Variants in COQ3 observed in about 807,000 individuals in gnomAD.
COQ3 encodes the protein coenzyme Q3, methyltransferase, also known as ubiquinone biosynthesis O-methyltransferase, mitochondrial.
COQ3 carries 29 observed loss-of-function variants against 33.1 expected under a neutral mutation model. The observed-to-expected ratio is 0.88, with a 90% CI of 0.65 to 1.19. COQ3 has a LOEUF of 1.19. COQ3 is among the 50% of genes most tolerant of loss of function. The pLI is 0.00. For synonymous variants in COQ3, 173 were observed against 157.8 expected, an observed-to-expected ratio of 1.10 and a Z score of -0.72; for missense variants, 437 against 430.7, an observed-to-expected ratio of 1.01 and a Z score of -0.13.
At chr6:99,393,711 C>A (rs1774890750) in intron 1 of COQ3, among the ~76,000 whole-genome samples, 1 of 152,204 alleles carries the variant, frequency 6.6e-6, no homozygotes, top group Admixed American at 6.5e-5. Context: ...AGATACAAAG[C>A]TATGCATAAC....
intron 5 of COQ3, among the ~76,000 whole-genome samples, chr6:99,375,352 G>C (rs1379392181): frequency 1.3e-5 from 2 of 150,502 alleles, no homozygotes; most frequent in Non-Finnish European, 3.0e-5. Flanking sequence ...TGCTATAAGT[G>C]TATGGTTTTC....
At chr6:99,371,254 C>T (rs1053473146) in intron 6 of COQ3, among the ~76,000 whole-genome samples, 174 bp downstream of exon 6, 4 of 152,148 alleles carry the variant, frequency 2.6e-5, no homozygotes, top group Non-Finnish European at 5.9e-5. Context: ...GAAGTGGTAT[C>T]TACTACTTAA....
intron 6 of COQ3, 65 bp downstream of exon 6, chr6:99,371,363 A>T: frequency 9.3e-7 from 1 of 1,076,064 alleles, no homozygotes; most frequent in Non-Finnish European, 1.4e-6. Flanking sequence ...AGTGCGTAAT[A>T]ATTACTGGCA....
At chr6:99,385,362 T>C (rs1042627975) in intron 1 of COQ3, among the ~76,000 whole-genome samples, 9 of 152,208 alleles carry the variant, frequency 5.9e-5, no homozygotes, top group African/African-American at 1.9e-4. Flanking sequence ...CTTTCAAGCA[T>C]GCATGGAACA....
At chr6:99,370,265 A>T (rs772533016) in intron 6 of COQ3, among the ~76,000 whole-genome samples, 4 of 152,138 alleles carry the variant, frequency 2.6e-5, no homozygotes, top group African/African-American at 4.8e-5. Context: ...AATATGTGCC[A>T]ACAGGAGATT....
chr6:99,376,499 A>C (rs1774286764), intron 4 of COQ3, among the ~76,000 whole-genome samples: 1 of 152,272 alleles, frequency 6.6e-6, no homozygotes, highest in Non-Finnish European at 1.5e-5. Context: ...TAACATATTT[A>C]AAGTGCAATA....
At chr6:99,377,274 T>C (rs1774315362) in intron 4 of COQ3, 112 bp downstream of exon 4, 3 of 881,772 alleles carry the variant, frequency 3.4e-6, no homozygotes, top group Non-Finnish European at 5.5e-6. Context: ...CCTCCCAACA[T>C]GCATTTCTTT....
chr6:99,384,976 T>G (rs1209505071), intron 1 of COQ3, among the ~76,000 whole-genome samples: 1 of 152,072 alleles, frequency 6.6e-6, no homozygotes, highest in African/African-American at 2.4e-5. Flanking sequence ...CCAGGCATGG[T>G]GGCATGTGCC....
At chr6:99,376,206 A>G (rs1774280577) in intron 4 of COQ3, 24 bp from the exon 5 acceptor site, 23 of 1,606,578 alleles carry the variant, frequency 1.4e-5, no homozygotes, top group Non-Finnish European at 2.0e-5. Context: ...AAAAACTGTT[A>G]CCCTCAGGAA....
At position 99,370,812 on chromosome 6, in the gene COQ3, C is replaced by T. The variant is rs563119771; in HGVS notation, c.889+616G>A. Among the ~76,000 whole-genome samples the T allele has an allele frequency of 7.9e-5, 12 of 151,770 alleles. No individual in the cohort carries two copies. The East Asian group carries it at 1.9e-3, about 25-fold the overall frequency. On this transcript the variant is annotated intron_variant, in intron 6 of 6. Coordinates refer to ENST00000254759, the MANE Select transcript of COQ3 (RefSeq NM_017421.4). The stretch of plus-strand genomic sequence containing the variant: ...AGTACTCAACAGGAATACCGAATGC[C>T]AAATAAATGAACTGACAAGCACTAT...
Position 99,369,668 on chromosome 6 carries a change from C to T in COQ3, c.1042G>A (p.Gly348Arg). 5 of 1,614,028 alleles carry T rather than the reference C, an allele frequency of 3.1e-6. No homozygotes were observed. The highest frequency in any genetic ancestry group is 1.1e-5 in the South Asian group (1 of 91,086). ...TTAGCTTGGAGCTCTTCTGTTTCTC[C>T]CTTTAAAACAAACTCAGCAGAGGCT... is the stretch of plus-strand genomic sequence containing the variant. ...HPASAEFVLK[G>R]ETEELQANAC... The change falls in exon 7 of 7, where the codon GGA becomes AGA. Residue 348 changes from glycine (G) to arginine (R), a missense_variant. By Grantham distance (125) the Gly-to-Arg change is moderately radical. Coordinates refer to ENST00000254759, the MANE Select transcript of COQ3 (RefSeq NM_017421.4).
intron 1 of COQ3, among the ~76,000 whole-genome samples, chr6:99,389,388 G>T (rs1228637785): frequency 1.3e-5 from 2 of 152,188 alleles, no homozygotes; most frequent in Non-Finnish European, 2.9e-5. Flanking sequence ...GCCTCCCAAA[G>T]TGTTGGGAAT....
intron 5 of COQ3, among the ~76,000 whole-genome samples, chr6:99,374,885 A>G (rs1238769535): frequency 6.6e-6 from 1 of 152,098 alleles, no homozygotes; most frequent in African/African-American, 2.4e-5. Context: ...GCTGAAAACT[A>G]TTACGCATTT....
At chr6:99,384,869 C>T (rs1047465169) in intron 1 of COQ3, among the ~76,000 whole-genome samples, 13 of 152,052 alleles carry the variant, frequency 8.5e-5, no homozygotes, top group South Asian at 2.1e-4. Context: ...CCAGCACTTT[C>T]GGAGGCTGAA....
At chr6:99,391,102 T>TATTTATTG (rs1554209281) in intron 1 of COQ3, among the ~76,000 whole-genome samples, 56 of 121,148 alleles carry the variant, frequency 4.6e-4, no homozygotes, top group Non-Finnish European at 8.1e-4. Flanking sequence ...TTTATTTATT[T>TATTTATTG]ATTTATTTAT....
chr6:99,388,922 CACACACACA>C (rs1774741023), intron 1 of COQ3, among the ~76,000 whole-genome samples: 4 of 149,270 alleles, frequency 2.7e-5, no homozygotes, highest in South Asian at 4.2e-4. Context: ...CACACACACA[CACACACACA>C]CACCCACATC....
At chr6:99,387,735 C>T (rs903711043) in intron 1 of COQ3, among the ~76,000 whole-genome samples, 3 of 152,100 alleles carry the variant, frequency 2.0e-5, no homozygotes, top group Non-Finnish European at 4.4e-5. Flanking sequence ...AAGTCTTATT[C>T]AGTGCAATGA....
chr6:99,377,711 A>C (rs545230559), intron 3 of COQ3, among the ~76,000 whole-genome samples: 1 of 152,292 alleles, frequency 6.6e-6, no homozygotes, highest in South Asian at 2.1e-4. Flanking sequence ...TTATGACTTA[A>C]TTATTGTTTT....
At chr6:99,377,277 A>G (rs958278629) in intron 4 of COQ3, 109 bp downstream of exon 4, 175 of 918,874 alleles carry the variant, frequency 1.9e-4, no homozygotes, top group Non-Finnish European at 2.8e-4. Flanking sequence ...CCCAACATGC[A>G]TTTCTTTTTT....
Sources: allele counts gnomAD v4.1 joint callset (sites outside exome capture counted in the v4.1 genomes callset), GRCh38; gene constraint gnomAD v4.1.1; transcripts MANE v1.5; gene names NCBI Gene and HGNC (gene_info 2026-07-23, HGNC 2026-07-21).